Variants in CCDC170 observed in about 807,000 individuals in gnomAD.
CCDC170 encodes coiled-coil domain containing 170.
Under a neutral mutation model 72.6 loss-of-function variants are expected in CCDC170, and 69 were observed. That is an observed-to-expected ratio of 0.95 (90% CI 0.78 to 1.16). CCDC170 has a LOEUF of 1.16. Ranked by LOEUF, CCDC170 falls within the 50% of genes most tolerant of loss-of-function variation. The pLI is 0.00. For synonymous variants in CCDC170, 300 were observed against 303.9 expected (o/e 0.99, Z 0.13); for missense variants, 852 against 832.5 (o/e 1.02, Z -0.29).
chr6:151,563,209 G>T (rs1776070731), intron 5 of CCDC170, among the ~76,000 whole-genome samples: 2 of 152,168 alleles, frequency 1.3e-5, no homozygotes, highest in Admixed American at 1.3e-4. Context: ...GCATGGTAGA[G>T]CTGCTGTGAA....
chr6:151,617,875 T>G (rs950838540), intron 10 of CCDC170, 72 bp from the exon 11 acceptor site: 3 of 1,454,588 alleles, frequency 2.1e-6, no homozygotes, highest in African/African-American at 2.8e-5. Context: ...GTTTTTTGTT[T>G]GTTGCATTTG....
chr6:151,523,157 G>A (rs971232608), intron 1 of CCDC170, among the ~76,000 whole-genome samples: 1 of 152,178 alleles, frequency 6.6e-6, no homozygotes, highest in African/African-American at 2.4e-5. Context: ...TGGAGGCTCT[G>A]TTGCTCTCAG....
rs555620414 is a variant in CCDC170, at chr6:151,568,972, G to A, written c.775-4202G>A. Among the ~76,000 whole-genome samples, 18 of 152,260 alleles carry A rather than the reference G, an allele frequency of 1.2e-4. No individual in the cohort carries two copies. In the East Asian group the frequency reaches 3.5e-3, roughly 29 times the overall value. ...GGAACTTCAGGGCCAAAAGATAAGT[G>A]CATATTAAGTTTTGTTATGTATTTA... On this transcript the variant is annotated intron_variant, in intron 5 of 10. Transcript: ENST00000239374.
chr6:151,540,311 TCTC>T (rs902129904), intron 3 of CCDC170, among the ~76,000 whole-genome samples: 4 of 145,556 alleles, frequency 2.7e-5, no homozygotes, highest in Admixed American at 7.0e-5. Context: ...TCTCCATGTT[TCTC>T]CTCCTCCTCC....
At chr6:151,571,068 C>T (rs1018278393) in intron 5 of CCDC170, among the ~76,000 whole-genome samples, 5 of 152,062 alleles carry the variant, frequency 3.3e-5, no homozygotes, top group African/African-American at 1.2e-4. Flanking sequence ...AAAAAAGTCA[C>T]CATAATGGAA....
At chr6:151,616,864 T>C (rs920858326) in intron 10 of CCDC170, among the ~76,000 whole-genome samples, 1 of 152,158 alleles carries the variant, frequency 6.6e-6, no homozygotes, top group African/African-American at 2.4e-5. Context: ...ATAAGGGCAC[T>C]AATCTTATTC....
chr6:151,566,788 C>T (rs900708907), intron 5 of CCDC170, among the ~76,000 whole-genome samples: 1 of 152,168 alleles, frequency 6.6e-6, no homozygotes, highest in Non-Finnish European at 1.5e-5. Context: ...TTAAGTTCTA[C>T]ATACACACTT....
At chr6:151,536,725 A>G (rs1441127518) in intron 2 of CCDC170, among the ~76,000 whole-genome samples, 1 of 139,840 alleles carries the variant, frequency 7.2e-6, no homozygotes, top group African/African-American at 2.7e-5. Context: ...CAGTGAGGCG[A>G]GATCACAGTA....
chr6:151,576,316 A>G (rs1222888485), intron 6 of CCDC170, among the ~76,000 whole-genome samples: 1 of 152,100 alleles, frequency 6.6e-6, no homozygotes, highest in Non-Finnish European at 1.5e-5. Flanking sequence ...TATTAAATGC[A>G]TTTCTGACTT....
intron 6 of CCDC170, among the ~76,000 whole-genome samples, chr6:151,582,849 G>T (rs919513247): frequency 1.3e-5 from 2 of 152,052 alleles, no homozygotes; most frequent in Non-Finnish European, 2.9e-5. Context: ...ATGACACCAA[G>T]TCATTCATGA....
chr6:151,591,173 A>C (rs1776528867), intron 7 of CCDC170, among the ~76,000 whole-genome samples: 1 of 152,222 alleles, frequency 6.6e-6, no homozygotes, highest in Non-Finnish European at 1.5e-5. Flanking sequence ...GGTGTGCTTC[A>C]GTTGGCAGGA....
At chr6:151,613,523 C>G (rs1776908777) in intron 9 of CCDC170, among the ~76,000 whole-genome samples, 1 of 152,208 alleles carries the variant, frequency 6.6e-6, no homozygotes, top group Non-Finnish European at 1.5e-5. Context: ...TAAGTGGTTG[C>G]TCCCCATTCT....
intron 5 of CCDC170, among the ~76,000 whole-genome samples, chr6:151,569,429 C>CA (rs1776187434): frequency 6.6e-6 from 1 of 152,218 alleles, no homozygotes; most frequent in Admixed American, 6.5e-5. Context: ...TTTGTCGCTT[C>CA]AGTCAGACTG....
intron 1 of CCDC170, among the ~76,000 whole-genome samples, chr6:151,528,218 G>A (rs545690008): frequency 2.2e-4 from 34 of 152,244 alleles, no homozygotes; most frequent in African/African-American, 3.9e-4. Context: ...CTCAGGTGAG[G>A]ACAAATGGAT....
chr6:151,594,491 C>T (rs181866344), intron 8 of CCDC170, among the ~76,000 whole-genome samples: 195 of 152,244 alleles, frequency 1.3e-3, no homozygotes, highest in Non-Finnish European at 2.4e-3. Context: ...CCATTAGAGA[C>T]ATTAAATTCA....
In CCDC170 at chr6:151,566,385, A is replaced by AT. The variant is rs201099656; in HGVS notation, c.775-6780dup. On this transcript the variant is annotated intron_variant, in intron 5 of 10. Coordinates refer to ENST00000239374, the MANE Select transcript of CCDC170 (RefSeq NM_025059.4). ...TCTCCTTCCTAAACTCTGAATGTGCATTTTTTTTTCAAACTATCTTTGGGG... is the reference window on the plus strand; with the variant it reads ...TCTCCTTCCTAAACTCTGAATGTGCATTTTTTTTTTCAAACTATCTTTGGGG... 6.7e-5 allele frequency among the ~76,000 whole-genome samples: 10 copies of AT among 149,486 alleles called. No homozygotes were observed. The East Asian group carries it at 1.2e-3, about 18-fold the overall frequency.
intron 9 of CCDC170, among the ~76,000 whole-genome samples, chr6:151,609,268 T>A (rs2115137098): frequency 6.6e-6 from 1 of 152,304 alleles, no homozygotes; most frequent in African/African-American, 2.4e-5. Flanking sequence ...GGACACAGCA[T>A]CTATTCGGGC....
At chr6:151,496,032 C>T (rs1022212577) in intron 1 of CCDC170, among the ~76,000 whole-genome samples, 7 of 152,126 alleles carry the variant, frequency 4.6e-5, no homozygotes, top group Non-Finnish European at 7.3e-5. Context: ...TCTCTTCAAA[C>T]CTGGAACAGT....
intron 6 of CCDC170, among the ~76,000 whole-genome samples, chr6:151,574,760 G>A (rs565921623): frequency 3.9e-5 from 6 of 152,274 alleles, no homozygotes; most frequent in African/African-American, 9.6e-5. Flanking sequence ...ACAGATAAAA[G>A]TTCCCAGACC....
Sources: gnomAD v4.1 joint callset for allele counts (sites outside exome capture counted in the v4.1 genomes callset) on GRCh38, gnomAD v4.1.1 for gene constraint, MANE v1.5 for transcripts, NCBI Gene and HGNC (gene_info 2026-07-23, HGNC 2026-07-21) for gene names.